The following PHF21A variants were observed in gnomAD, a reference collection of about 807,000 sequenced individuals.
PHF21A encodes the protein BHC80a.
Under a neutral mutation model 82.5 loss-of-function variants are expected in PHF21A, and 11 were observed. That is an observed-to-expected ratio of 0.13 (90% CI 0.08 to 0.22). PHF21A has a LOEUF of 0.22. Ranked by LOEUF, PHF21A falls within the 10% of genes least tolerant of loss-of-function variation. The probability of loss-of-function intolerance (pLI) is 1.00; values close to 1 mark genes in which losing one functional copy is unlikely to be tolerated. For missense variants in PHF21A, 579 were observed against 837.8 expected, an observed-to-expected ratio of 0.69 and a Z score of 3.81; for synonymous variants, 297 against 302.8, an observed-to-expected ratio of 0.98 and a Z score of 0.20.
chr11:46,100,494 G>A (rs1337471296), intron 1 of PHF21A, among the ~76,000 whole-genome samples: 1 of 151,968 alleles, frequency 6.6e-6, no homozygotes, highest in Non-Finnish European at 1.5e-5. Context: ...AACTCTTCTG[G>A]GGAATACCAC....
intron 15 of PHF21A, 150 bp downstream of exon 15, chr11:45,945,690 C>A: frequency 1.6e-6 from 1 of 615,908 alleles, no homozygotes; most frequent in Non-Finnish European, 2.7e-6. Context: ...AAGAAAGCTG[C>A]CTTACATGGC....
At chr11:45,991,625 G>T (rs1394426846) in intron 6 of PHF21A, among the ~76,000 whole-genome samples, 2 of 152,102 alleles carry the variant, frequency 1.3e-5, no homozygotes, top group Non-Finnish European at 2.9e-5. Context: ...AATAAGTAGA[G>T]AGGCAGTATT....
chr11:45,935,742 A>AT lies in PHF21A; in HGVS notation c.1685-4_1685-3insA. The stretch of plus-strand genomic sequence containing the variant: ...CTTCTGTTTCTCTTCTTCTTTTGCT[A>AT]AAAAAAAAAAAAAAAAAAAAAAGGA... On this transcript the variant is annotated splice_region_variant and splice_polypyrimidine_tract_variant and intron_variant, in intron 17 of 18. Transcript: ENST00000676320. 1.4e-4 allele frequency: 1 copy of AT among 6,968 alleles called. No homozygotes were observed. The highest frequency in any genetic ancestry group is 4.6e-4 in the Non-Finnish European group (1 of 2,180). 0.4% of individuals were successfully genotyped at this position (6,968 alleles called of 1,614,324 possible).
chr11:46,079,244 T>C, intron 4 of PHF21A, 78 bp from the exon 5 acceptor site: 1 of 1,009,324 alleles, frequency 9.9e-7, no homozygotes. Context: ...GACCAAAAAA[T>C]CTAGGATTTT....
chr11:45,942,711 A>AG (rs1361594790), intron 15 of PHF21A, among the ~76,000 whole-genome samples: 1 of 152,236 alleles, frequency 6.6e-6, no homozygotes, highest in Non-Finnish European at 1.5e-5. Flanking sequence ...AGTCCTCCAA[A>AG]GGTAACACTT....
intron 15 of PHF21A, among the ~76,000 whole-genome samples, chr11:45,941,071 T>C (rs1156309482): frequency 6.6e-6 from 1 of 152,218 alleles, no homozygotes; most frequent in Admixed American, 6.5e-5. Flanking sequence ...ATGAGTTATA[T>C]CTATTAATAT....
chr11:46,101,919 G>A (rs541683281), intron 1 of PHF21A, among the ~76,000 whole-genome samples: 16 of 150,824 alleles, frequency 1.1e-4, no homozygotes, highest in African/African-American at 2.9e-4. Flanking sequence ...AAGCAGTGGC[G>A]CAATCTCGGC....
intron 6 of PHF21A, among the ~76,000 whole-genome samples, chr11:46,038,834 G>C (rs2096068319): frequency 6.6e-6 from 1 of 152,154 alleles, no homozygotes; most frequent in Non-Finnish European, 1.5e-5. Flanking sequence ...TGAGGAGAGA[G>C]CCCTTATGAT....
At chr11:46,046,795 G>T (rs920802987) in intron 6 of PHF21A, among the ~76,000 whole-genome samples, 2 of 152,176 alleles carry the variant, frequency 1.3e-5, no homozygotes, top group African/African-American at 4.8e-5. Context: ...TTCACTCTGT[G>T]AAGAGTGTCT....
At chr11:46,033,068 T>C (rs61882542) in intron 6 of PHF21A, among the ~76,000 whole-genome samples, 19,323 of 152,216 alleles carry the variant, frequency 0.13, 1,428 homozygotes, top group African/African-American at 0.22. Context: ...TATCCATATA[T>C]AATGTTTTAT....
intron 10 of PHF21A, among the ~76,000 whole-genome samples, chr11:45,954,784 C>T (rs574690751): frequency 6.6e-6 from 1 of 152,218 alleles, no homozygotes; most frequent in East Asian, 1.9e-4. Flanking sequence ...AAGTAATGCT[C>T]CTTTCATATG....
intron 16 of PHF21A, chr11:45,936,816 G>A (rs2089179643): frequency 2.3e-6 from 1 of 440,462 alleles, no homozygotes; most frequent in African/African-American, 2.0e-5. Context: ...GCTGGGACTT[G>A]GCTGAGCATT....
chr11:46,013,044 C>A (rs140571781), intron 6 of PHF21A, among the ~76,000 whole-genome samples: 2,834 of 152,180 alleles, frequency 0.019, 46 homozygotes, highest in Non-Finnish European at 0.027. Context: ...CCTATATATA[C>A]TATGTTTTTT....
intron 6 of PHF21A, among the ~76,000 whole-genome samples, chr11:46,019,312 A>G (rs2095583361): frequency 6.6e-6 from 1 of 152,238 alleles, no homozygotes; most frequent in Non-Finnish European, 1.5e-5. Flanking sequence ...ATCAAAATTA[A>G]GTATCATGTC....
intron 6 of PHF21A, among the ~76,000 whole-genome samples, chr11:46,036,718 CAA>C (rs1489645839): frequency 6.6e-6 from 1 of 152,062 alleles, no homozygotes; most frequent in Non-Finnish European, 1.5e-5. Context: ...TGACATAAAG[CAA>C]AGTTCTTGGT....
At chr11:46,093,554 T>C (rs1231838042) in intron 1 of PHF21A, among the ~76,000 whole-genome samples, 1 of 152,206 alleles carries the variant, frequency 6.6e-6, no homozygotes, top group Non-Finnish European at 1.5e-5. Flanking sequence ...TCACCAAGGT[T>C]AGGATGACTC....
chr11:46,093,067 C>G (rs902546841), intron 1 of PHF21A, among the ~76,000 whole-genome samples: 10 of 152,294 alleles, frequency 6.6e-5, no homozygotes, highest in African/African-American at 2.2e-4. Context: ...CATCTTACCA[C>G]TTTAGATTGT....
intron 1 of PHF21A, among the ~76,000 whole-genome samples, chr11:46,117,594 C>T (rs1273901721): frequency 6.6e-6 from 1 of 152,150 alleles, no homozygotes; most frequent in Non-Finnish European, 1.5e-5. Context: ...ATTTTTTCAA[C>T]ACACTATACC....
intron 6 of PHF21A, among the ~76,000 whole-genome samples, chr11:46,075,761 A>G (rs1294282755): frequency 6.6e-6 from 1 of 152,226 alleles, no homozygotes; most frequent in Non-Finnish European, 1.5e-5. Flanking sequence ...CATAATTCTC[A>G]AAGTTTATTT....
Sources: gnomAD v4.1 joint callset for allele counts (sites outside exome capture counted in the v4.1 genomes callset) on GRCh38, gnomAD v4.1.1 for gene constraint, MANE v1.5 for transcripts, NCBI Gene and HGNC (gene_info 2026-07-23, HGNC 2026-07-21) for gene names.